The following ACCSL variants were observed in gnomAD, a reference collection of about 807,000 sequenced individuals.
ACCSL encodes probable inactive 1-aminocyclopropane-1-carboxylate synthase-like protein 2.
Under a neutral mutation model 61.7 loss-of-function variants are expected in ACCSL, and 55 were observed. That is an observed-to-expected ratio of 0.89 (90% CI 0.72 to 1.12). The LOEUF (loss-of-function observed/expected upper bound fraction) is 1.12. Ranked by LOEUF, ACCSL falls within the 50% of genes most tolerant of loss-of-function variation. ACCSL has a pLI of 0.00. For synonymous variants in ACCSL, 258 were observed against 264.3 expected, an observed-to-expected ratio of 0.98 and a Z score of 0.23; for missense variants, 632 against 698.0, an observed-to-expected ratio of 0.91 and a Z score of 1.07.
the ACCSL span, among the ~76,000 whole-genome samples, chr11:43,976,248 A>T: frequency 6.6e-6 from 1 of 152,168 alleles, no homozygotes; most frequent in Non-Finnish European, 1.5e-5. Flanking sequence ...CTTCTATGAG[A>T]GAGAGATACA....
the ACCSL span, among the ~76,000 whole-genome samples, chr11:43,930,420 T>C: frequency 6.6e-6 from 1 of 152,180 alleles, no homozygotes; most frequent in East Asian, 1.9e-4. Flanking sequence ...GGGAGGTGTT[T>C]GGATCATGGG....
chr11:43,945,887 G>C, the ACCSL span, among the ~76,000 whole-genome samples: 1 of 152,044 alleles, frequency 6.6e-6, no homozygotes, highest in African/African-American at 2.4e-5. Flanking sequence ...AGAACCTCCT[G>C]CTGCCTTCAG....
chr11:43,981,296 G>A, the ACCSL span, among the ~76,000 whole-genome samples: 2,512 of 152,220 alleles, frequency 0.017, 81 homozygotes, highest in African/African-American at 0.057. Flanking sequence ...AGCTCCTAGA[G>A]GGCACAACTC....
chr11:43,936,496 A>T, the ACCSL span, among the ~76,000 whole-genome samples: 2 of 147,426 alleles, frequency 1.4e-5, no homozygotes, highest in Admixed American at 1.3e-4. Context: ...ACTGGCACCC[A>T]GGGGCATTGC....
chr11:43,992,054 C>CTTTTTTTTTTT, the ACCSL span, among the ~76,000 whole-genome samples: 1 of 114,144 alleles, frequency 8.8e-6, no homozygotes, highest in Non-Finnish European at 1.7e-5. Context: ...TTCTTTCTTT[C>CTTTTTTTTTTT]TTTTTTTTTT....
the ACCSL span, among the ~76,000 whole-genome samples, chr11:43,936,495 C>G: frequency 6.8e-6 from 1 of 148,046 alleles, no homozygotes; most frequent in Non-Finnish European, 1.5e-5. Context: ...CACTGGCACC[C>G]AGGGGCATTG....
the ACCSL span, among the ~76,000 whole-genome samples, chr11:44,024,604 G>A: frequency 6.6e-6 from 1 of 151,934 alleles, no homozygotes; most frequent in Admixed American, 6.6e-5. Flanking sequence ...TTTATGGGCT[G>A]GCATATGGTC....
upstream of ACCSL, chr11:44,047,883 G>A: frequency 1.0e-6 from 1 of 979,276 alleles, no homozygotes; most frequent in South Asian, 1.7e-5. Flanking sequence ...TATAACCAAG[G>A]CATGGAAGTG....
the ACCSL span, among the ~76,000 whole-genome samples, chr11:43,973,699 A>C: frequency 6.6e-6 from 1 of 152,188 alleles, no homozygotes; most frequent in Non-Finnish European, 1.5e-5. Context: ...AGATGGTTTC[A>C]GTGGGTATTG....
chr11:44,044,038 A>G (rs1351885966), upstream of ACCSL, among the ~76,000 whole-genome samples: 2 of 152,164 alleles, frequency 1.3e-5, no homozygotes, highest in Non-Finnish European at 2.9e-5. Flanking sequence ...TATATGCTGG[A>G]CACAATATTT....
At chr11:44,050,448 A>G in intron 2 of ACCSL, 104 bp from the exon 3 acceptor site, 2 of 944,066 alleles carry the variant, frequency 2.1e-6, no homozygotes, top group Non-Finnish European at 3.4e-6. Flanking sequence ...CCTTTCTAGG[A>G]GGTCATGTAT....
chr11:44,046,129 A>T (rs1020240739), upstream of ACCSL, among the ~76,000 whole-genome samples: 1 of 152,206 alleles, frequency 6.6e-6, no homozygotes, highest in African/African-American at 2.4e-5. Context: ...GCCCCATTAA[A>T]ATGAATCTCT....
the ACCSL span, among the ~76,000 whole-genome samples, chr11:43,988,888 G>A: frequency 7.0e-6 from 1 of 143,636 alleles, no homozygotes; most frequent in African/African-American, 2.6e-5. Flanking sequence ...CTCTCTCCTC[G>A]GCCTCTAGAG....
At chr11:44,010,118 A>T in the ACCSL span, among the ~76,000 whole-genome samples, 1 of 152,142 alleles carries the variant, frequency 6.6e-6, no homozygotes, top group Non-Finnish European at 1.5e-5. Flanking sequence ...AGGTGGGGGG[A>T]TCACCTGAGG....
the ACCSL span, among the ~76,000 whole-genome samples, chr11:43,975,402 C>A: frequency 6.6e-6 from 1 of 152,128 alleles, no homozygotes; most frequent in African/African-American, 2.4e-5. Context: ...ACTTCCAGAT[C>A]TTTTGTTAAG....
At chr11:44,029,295 T>A in the ACCSL span, among the ~76,000 whole-genome samples, 4 of 152,286 alleles carry the variant, frequency 2.6e-5, no homozygotes, top group Admixed American at 6.5e-5. Context: ...AGCTTCTTGC[T>A]GTTCCTTCAA....
chr11:43,934,502 G>A, the ACCSL span, among the ~76,000 whole-genome samples: 10 of 152,252 alleles, frequency 6.6e-5, no homozygotes, highest in African/African-American at 2.2e-4. Flanking sequence ...ACACACACAC[G>A]TACAAGCGGT....
At chr11:43,980,279 C>G in the ACCSL span, among the ~76,000 whole-genome samples, 1 of 152,016 alleles carries the variant, frequency 6.6e-6, no homozygotes, top group Non-Finnish European at 1.5e-5. Flanking sequence ...CACCTAAACC[C>G]AAAAAAATGT....
chr11:43,985,984 A>G, the ACCSL span, among the ~76,000 whole-genome samples: 1 of 128,448 alleles, frequency 7.8e-6, no homozygotes, highest in Non-Finnish European at 1.8e-5. Flanking sequence ...ATAATAAACA[A>G]ACAAACAAAT....
Sources: gnomAD v4.1 joint callset for allele counts (sites outside exome capture counted in the v4.1 genomes callset) on GRCh38, gnomAD v4.1.1 for gene constraint, MANE v1.5 for transcripts, NCBI Gene and HGNC (gene_info 2026-07-23, HGNC 2026-07-21) for gene names.